The following DMD variants were observed in gnomAD, a reference collection of about 807,000 sequenced individuals.
DMD encodes mutant dystrophin.
In DMD, 63 loss-of-function variants were observed where a neutral mutation model predicts 330.1. That is an observed-to-expected ratio of 0.19 (90% CI 0.16 to 0.24). DMD has a LOEUF of 0.24. Among genes scored for constraint, DMD ranks in the 10% least tolerant of loss-of-function variants. The probability of loss-of-function intolerance (pLI) is 1.00; values close to 1 mark genes in which losing one functional copy is unlikely to be tolerated. For missense variants in DMD, 3,344 were observed against 2,684.1 expected, an observed-to-expected ratio of 1.25 and a Z score of -5.43; for synonymous variants, 1,223 against 959.8, an observed-to-expected ratio of 1.27 and a Z score of -5.07.
chrX:32,563,211 G>T (rs2051253446), intron 16 of DMD, among the ~76,000 whole-genome samples: 1 of 108,246 alleles, frequency 9.2e-6, no homozygotes, highest in South Asian at 4.1e-4. Flanking sequence ...GTCATGGTAG[G>T]CACCTGTAGT....
Position 31,880,691 on chromosome X carries a change from T to C in DMD, c.6913-5318A>G, listed in dbSNP as rs141064596. The stretch of plus-strand genomic sequence containing the variant: ...AGTCAACAGACTGACTGTGATCCTA[T>C]GAGATTACAATGGAGCTGAAAAATT... On this transcript the variant is annotated intron_variant, in intron 47 of 78. Transcript: ENST00000357033. Among the ~76,000 whole-genome samples, 592 of 112,221 alleles carry C rather than the reference T, an allele frequency of 5.3e-3. 4 individuals are homozygous for C. The highest frequency in any genetic ancestry group is 8.9e-3 in the Non-Finnish European group (472 of 53,230).
chrX:32,063,018 T>G (rs1338100773), intron 44 of DMD, among the ~76,000 whole-genome samples: 1 of 111,342 alleles, frequency 9.0e-6, no homozygotes, highest in Non-Finnish European at 1.9e-5. Context: ...AGATAATGTT[T>G]TAATAGTGAG....
chrX:32,833,057 T>C (rs763317913), intron 4 of DMD, among the ~76,000 whole-genome samples: 5 of 111,950 alleles, frequency 4.5e-5, no homozygotes, highest in Non-Finnish European at 9.4e-5. Context: ...ACATATTTAG[T>C]CATTCTTTAA....
Position 31,881,019 on chromosome X carries a change from A to C in DMD, c.6913-5646T>G, listed in dbSNP as rs753262295. ...GAAGTGGAAGACAGTGATATTGATG[A>C]TCCTGACCCATGTAGGCCTAGGCTC... is the stretch of plus-strand genomic sequence containing the variant. On this transcript the variant is annotated intron_variant, in intron 47 of 78. Coordinates refer to ENST00000357033, the MANE Select transcript of DMD (RefSeq NM_004006.3). 5.4e-5 allele frequency among the ~76,000 whole-genome samples: 6 copies of C among 111,418 alleles called. No individual in the cohort carries two copies. In the East Asian group the frequency reaches 1.7e-3, roughly 31 times the overall value.
chrX:31,389,550 A>C (rs1267487403), intron 60 of DMD, among the ~76,000 whole-genome samples: 2 of 112,166 alleles, frequency 1.8e-5, no homozygotes, highest in Admixed American at 1.9e-4. Flanking sequence ...GCCGAAACTC[A>C]GATTCTATTA....
At chrX:32,943,822 G>T (rs993456911) in intron 2 of DMD, among the ~76,000 whole-genome samples, 1 of 111,860 alleles carries the variant, frequency 8.9e-6, no homozygotes, top group Non-Finnish European at 1.9e-5. Flanking sequence ...TTCATTATTT[G>T]GTTACAAATG....
At chrX:32,556,619 A>G in intron 16 of DMD, among the ~76,000 whole-genome samples, 1 of 112,226 alleles carries the variant, frequency 8.9e-6, no homozygotes, top group East Asian at 2.8e-4. Flanking sequence ...AAGGAATACT[A>G]TAATGCCACA....
intron 43 of DMD, among the ~76,000 whole-genome samples, chrX:32,276,700 A>T (rs2097389891): frequency 9.0e-6 from 1 of 110,954 alleles, no homozygotes; most frequent in Non-Finnish European, 1.9e-5. Context: ...TAGGTGGATC[A>T]CTTGAGGTCA....
chrX:31,626,054 G>C (rs1036038162), intron 55 of DMD, among the ~76,000 whole-genome samples: 20 of 110,712 alleles, frequency 1.8e-4, no homozygotes, highest in South Asian at 3.9e-4. Flanking sequence ...GCGCCACCTC[G>C]GCTCACTGCA....
At chrX:32,875,105 A>G (rs1429831610) in intron 2 of DMD, among the ~76,000 whole-genome samples, 1 of 112,455 alleles carries the variant, frequency 8.9e-6, no homozygotes. Context: ...TTTGTTACAT[A>G]GTAATAGAAA....
At chrX:31,738,451 A>G (rs181746998) in intron 51 of DMD, among the ~76,000 whole-genome samples, 106 of 112,478 alleles carry the variant, frequency 9.4e-4, no homozygotes, top group African/African-American at 3.3e-3. Flanking sequence ...TGTGAAGAAA[A>G]AGGAACCCTT....
At chrX:31,567,138 C>G (rs193258397) in intron 55 of DMD, among the ~76,000 whole-genome samples, 25 of 111,474 alleles carry the variant, frequency 2.2e-4, no homozygotes, top group Non-Finnish European at 1.1e-4. Context: ...ATATTTTCTA[C>G]GTACACAGTC....
At chrX:31,447,686 G>C (rs749836457) in intron 59 of DMD, among the ~76,000 whole-genome samples, 1 of 111,230 alleles carries the variant, frequency 9.0e-6, no homozygotes, top group East Asian at 2.8e-4. Flanking sequence ...TTGTGAACAA[G>C]ACAACTGCTA....
intron 52 of DMD, among the ~76,000 whole-genome samples, chrX:31,703,393 C>T (rs890003426): frequency 8.9e-6 from 1 of 112,237 alleles, no homozygotes; most frequent in Admixed American, 9.4e-5. Flanking sequence ...ATGTATCTCA[C>T]ATGTGTCTAT....
At chrX:32,917,490 T>C (rs1424413277) in intron 2 of DMD, among the ~76,000 whole-genome samples, 4 of 111,843 alleles carry the variant, frequency 3.6e-5, no homozygotes, top group African/African-American at 1.3e-4. Flanking sequence ...AAACATAACA[T>C]GTTATAAAAC....
chrX:31,978,938 A>G (rs1298156488), intron 44 of DMD, among the ~76,000 whole-genome samples: 2 of 112,296 alleles, frequency 1.8e-5, no homozygotes, highest in Non-Finnish European at 3.8e-5. Context: ...ATTTTCAAGC[A>G]AAAGTTATCT....
At chrX:31,895,282 T>C (rs763589196) in intron 47 of DMD, among the ~76,000 whole-genome samples, 1 of 111,805 alleles carries the variant, frequency 8.9e-6, no homozygotes, top group Non-Finnish European at 1.9e-5. Context: ...AAAGCTATTC[T>C]GCGCAGCCCA....
intron 3 of DMD, among the ~76,000 whole-genome samples, chrX:32,845,291 G>C (rs1365778095): frequency 8.9e-6 from 1 of 111,890 alleles, no homozygotes; most frequent in Non-Finnish European, 1.9e-5. Context: ...AACCTTTTCT[G>C]TGAAGATTAC....
chrX:31,792,436 AT>A (rs762622793), intron 50 of DMD, among the ~76,000 whole-genome samples: 1 of 112,507 alleles, frequency 8.9e-6, no homozygotes, highest in East Asian at 2.8e-4. Context: ...CTGTATTTTC[AT>A]TTAACATATT....
Sources: allele counts gnomAD v4.1 joint callset (sites outside exome capture counted in the v4.1 genomes callset), GRCh38; gene constraint gnomAD v4.1.1; transcripts MANE v1.5; gene names NCBI Gene and HGNC (gene_info 2026-07-23, HGNC 2026-07-21).